Variants in SLC8A1 observed in about 807,000 individuals in gnomAD.
SLC8A1 encodes the protein solute carrier family 8 member A1.
SLC8A1 carries 18 observed loss-of-function variants against 68.3 expected under a neutral mutation model. The ratio of observed to expected loss-of-function variants is 0.26; its 90% CI spans 0.18 to 0.39. The LOEUF (loss-of-function observed/expected upper bound fraction) is 0.39, where lower values mean the gene tolerates loss of function less well. SLC8A1 is among the 10% of genes least tolerant of loss of function. SLC8A1 has a pLI of 1.00. For synonymous variants in SLC8A1, 475 were observed against 415.5 expected, an observed-to-expected ratio of 1.14 and a Z score of -1.74; for missense variants, 985 against 1,156.7, an observed-to-expected ratio of 0.85 and a Z score of 2.15.
Position 40,312,186 on chromosome 2 carries a change from C to G in SLC8A1, c.1808+116287G>C, listed in dbSNP as rs1238830610. ...CAGGAACATCACCTCAATAAGCACA[C>G]TTGCTGAGCTTATTGTTATCCACCT... On this transcript the variant is annotated intron_variant, in intron 2 of 7. Coordinates refer to ENST00000406785, the Ensembl canonical transcript of SLC8A1. 2.0e-5 allele frequency among the ~76,000 whole-genome samples: 3 copies of G among 152,174 alleles called. No homozygotes were observed. In the East Asian group the frequency reaches 5.8e-4, roughly 29 times the overall value.
chr2:40,253,871 G>GCAGGAGTGGGGGATAA (rs1208930852), intron 2 of SLC8A1, among the ~76,000 whole-genome samples: 4 of 141,484 alleles, frequency 2.8e-5, no homozygotes, highest in Non-Finnish European at 6.1e-5. Context: ...AGGAAGGACA[G>GCAGGAGTGGGGGATAA]CAGGAGTGGG....
chr2:40,482,093 G>C (rs1303110597), intron 1 of SLC8A1, among the ~76,000 whole-genome samples: 1 of 152,156 alleles, frequency 6.6e-6, no homozygotes, highest in Non-Finnish European at 1.5e-5. Flanking sequence ...ATTGTGGTAA[G>C]AATGCTTAAT....
At chr2:40,259,439 A>G (rs1374458944) in intron 2 of SLC8A1, among the ~76,000 whole-genome samples, 1 of 152,150 alleles carries the variant, frequency 6.6e-6, no homozygotes, top group East Asian at 1.9e-4. Context: ...TCCCATTGCC[A>G]GAGCTCTTTC....
At chr2:40,388,609 T>G (rs531607720) in intron 2 of SLC8A1, among the ~76,000 whole-genome samples, 162 of 152,146 alleles carry the variant, frequency 1.1e-3, no homozygotes, top group Non-Finnish European at 1.9e-3. Flanking sequence ...GGGTAAACGT[T>G]CTTGTTAAAC....
intron 2 of SLC8A1, among the ~76,000 whole-genome samples, chr2:40,200,834 T>C (rs1328315884): frequency 6.6e-6 from 1 of 151,940 alleles, no homozygotes; most frequent in African/African-American, 2.4e-5. Context: ...TATTCATTTT[T>C]ATATAGTCGG....
intron 2 of SLC8A1, chr2:40,251,197 A>G (rs1471763841): frequency 1.3e-5 from 2 of 152,192 alleles, no homozygotes; most frequent in Non-Finnish European, 2.9e-5. Flanking sequence ...AATAGAAATA[A>G]TTCAGTGTGT....
At chr2:40,392,643 C>A (rs926839170) in intron 2 of SLC8A1, among the ~76,000 whole-genome samples, 1 of 152,072 alleles carries the variant, frequency 6.6e-6, no homozygotes, top group Admixed American at 6.6e-5. Flanking sequence ...AGTTCCACAG[C>A]CTTCCAAGAT....
At chr2:40,338,920 G>C (rs1301167004) in intron 2 of SLC8A1, among the ~76,000 whole-genome samples, 1 of 152,150 alleles carries the variant, frequency 6.6e-6, no homozygotes, top group Non-Finnish European at 1.5e-5. Context: ...TAAAATTTAA[G>C]TTACAAATTA....
intron 1 of SLC8A1, among the ~76,000 whole-genome samples, chr2:40,450,483 G>A (rs1054560272): frequency 6.6e-6 from 1 of 152,124 alleles, no homozygotes; most frequent in Admixed American, 6.5e-5. Context: ...GATTGTGCAT[G>A]TTCAACTGCT....
intron 7 of SLC8A1, among the ~76,000 whole-genome samples, chr2:40,126,158 A>G (rs1038662415): frequency 6.6e-6 from 1 of 152,130 alleles, no homozygotes; most frequent in Admixed American, 6.6e-5. Flanking sequence ...ATCCTTCATC[A>G]GTTTGCCAGA....
At chr2:40,252,815 CATATATATGTATATACATGTGT>C (rs2062997801) in intron 2 of SLC8A1, among the ~76,000 whole-genome samples, 2 of 143,188 alleles carry the variant, frequency 1.4e-5, no homozygotes, top group African/African-American at 2.7e-5. Context: ...TGTACATATA[CATATATATGTATATACATGTGT>C]ATACATATAT....
chr2:40,272,487 C>T (rs2066169363), intron 2 of SLC8A1, among the ~76,000 whole-genome samples: 1 of 152,178 alleles, frequency 6.6e-6, no homozygotes, highest in African/African-American at 2.4e-5. Context: ...ACAGAAGCTC[C>T]TTAGGTAAAC....
intron 2 of SLC8A1, among the ~76,000 whole-genome samples, chr2:40,426,894 A>T (rs767273169): frequency 6.6e-6 from 1 of 152,064 alleles, no homozygotes; most frequent in Admixed American, 6.6e-5. Flanking sequence ...TAGCAAAGGA[A>T]TAAAGTTCAT....
chr2:40,119,958 A>C (rs1309925896), intron 7 of SLC8A1, among the ~76,000 whole-genome samples: 1 of 152,210 alleles, frequency 6.6e-6, no homozygotes, highest in African/African-American at 2.4e-5. Flanking sequence ...ACCTGCCTCA[A>C]GTTCATGGTA....
intron 7 of SLC8A1, among the ~76,000 whole-genome samples, chr2:40,127,060 G>A (rs1558452590): frequency 6.6e-6 from 1 of 152,128 alleles, no homozygotes; most frequent in Non-Finnish European, 1.5e-5. Context: ...TGGTGTGGAG[G>A]AAAAACCACT....
intron 2 of SLC8A1, among the ~76,000 whole-genome samples, chr2:40,379,169 G>C (rs781282754): frequency 6.6e-6 from 1 of 152,078 alleles, no homozygotes; most frequent in Non-Finnish European, 1.5e-5. Flanking sequence ...TGGAAAGCTT[G>C]TTAAAACATG....
intron 2 of SLC8A1, among the ~76,000 whole-genome samples, chr2:40,200,181 T>TAA (rs1367222028): frequency 0.12 from 2,197 of 18,004 alleles, 449 homozygotes; most frequent in Non-Finnish European, 0.17. Flanking sequence ...TTGATATATA[T>TAA]ATATATATAT....
chr2:40,340,668 T>C (rs1232961712), intron 2 of SLC8A1, among the ~76,000 whole-genome samples: 1 of 152,160 alleles, frequency 6.6e-6, no homozygotes, highest in South Asian at 2.1e-4. Context: ...AGAACTCTCT[T>C]ATCAGAAGGA....
At chr2:40,139,866 C>T (rs928065277) in intron 6 of SLC8A1, among the ~76,000 whole-genome samples, 190 bp from the exon 10 acceptor site, 6 of 152,112 alleles carry the variant, frequency 3.9e-5, no homozygotes, top group African/African-American at 1.4e-4. Context: ...ACTGAAATGC[C>T]TCTTACCTGT....
Sources: allele counts gnomAD v4.1 joint callset (sites outside exome capture counted in the v4.1 genomes callset), GRCh38; gene constraint gnomAD v4.1.1; transcripts MANE v1.5; gene names NCBI Gene and HGNC (gene_info 2026-07-23, HGNC 2026-07-21).